Variants in SGCZ observed in about 807,000 individuals in gnomAD.
The protein encoded by SGCZ is zeta-sarcoglycan.
SGCZ carries 40 observed loss-of-function variants against 41.3 expected under a neutral mutation model. That is an observed-to-expected ratio of 0.97 (90% CI 0.75 to 1.26). The LOEUF is 1.26. SGCZ is among the 50% of genes most tolerant of loss of function. SGCZ has a pLI of 0.00. For synonymous variants in SGCZ, 206 were observed against 137.5 expected, an observed-to-expected ratio of 1.50 and a Z score of -3.49; for missense variants, 552 against 369.8, an observed-to-expected ratio of 1.49 and a Z score of -4.04.
intron 1 of SGCZ, among the ~76,000 whole-genome samples, chr8:14,598,002 C>A (rs899125828): frequency 6.6e-6 from 1 of 152,112 alleles, no homozygotes; most frequent in Non-Finnish European, 1.5e-5. Context: ...GAACAAAAAT[C>A]TTTGAACCAC....
chr8:14,103,221 A>T (rs1802090198), intron 6 of SGCZ, among the ~76,000 whole-genome samples: 1 of 152,024 alleles, frequency 6.6e-6, no homozygotes, highest in Admixed American at 6.5e-5. Flanking sequence ...TGTTTTAGAC[A>T]GTCAGAGTTG....
chr8:14,665,281 T>C (rs1807874040), intron 1 of SGCZ, among the ~76,000 whole-genome samples: 1 of 152,116 alleles, frequency 6.6e-6, no homozygotes, highest in South Asian at 2.1e-4. Context: ...TTTGTCCTTG[T>C]GATAGTTTGC....
intron 2 of SGCZ, among the ~76,000 whole-genome samples, chr8:14,449,143 G>A (rs1800518882): frequency 6.6e-6 from 1 of 152,156 alleles, no homozygotes; most frequent in Non-Finnish European, 1.5e-5. Flanking sequence ...GAATTGTGCT[G>A]TACAAATGAT....
intron 1 of SGCZ, among the ~76,000 whole-genome samples, chr8:15,105,577 G>C (rs1183850111): frequency 2.0e-5 from 3 of 152,076 alleles, no homozygotes; most frequent in African/African-American, 7.2e-5. Flanking sequence ...ATGAGAACAG[G>C]AGGTAGAAAG....
At chr8:14,518,068 T>C (rs1395158060) in intron 2 of SGCZ, among the ~76,000 whole-genome samples, 4 of 151,920 alleles carry the variant, frequency 2.6e-5, no homozygotes, top group East Asian at 1.9e-4. Context: ...AATAAGGTTA[T>C]TGTTAATGAA....
intron 1 of SGCZ, among the ~76,000 whole-genome samples, chr8:15,150,426 G>T (rs1286816721): frequency 3.3e-5 from 5 of 152,086 alleles, no homozygotes; most frequent in African/African-American, 9.7e-5. Context: ...CGATGCCCTG[G>T]GGCCATAGAC....
At chr8:14,792,585 A>G (rs917895827) in intron 1 of SGCZ, among the ~76,000 whole-genome samples, 7 of 151,916 alleles carry the variant, frequency 4.6e-5, no homozygotes. Context: ...TTATTATTAT[A>G]CTTTAAGTTT....
chr8:14,219,294 T>C (rs903144550), intron 4 of SGCZ, among the ~76,000 whole-genome samples: 1 of 152,148 alleles, frequency 6.6e-6, no homozygotes, highest in Admixed American at 6.6e-5. Context: ...CTACTACGGC[T>C]TTTTCAATCC....
chr8:14,537,598 T>G (rs1053751945), intron 2 of SGCZ, among the ~76,000 whole-genome samples: 2 of 151,644 alleles, frequency 1.3e-5, no homozygotes, highest in Non-Finnish European at 2.9e-5. Flanking sequence ...CCTGGAACAG[T>G]TGAATGTCTC....
At chr8:14,823,904 G>A (rs896132147) in intron 1 of SGCZ, among the ~76,000 whole-genome samples, 2 of 152,072 alleles carry the variant, frequency 1.3e-5, no homozygotes, top group African/African-American at 4.8e-5. Context: ...CTTTAAAAAG[G>A]AATTAAATTC....
At chr8:14,325,380 T>C (rs1802057056) in intron 2 of SGCZ, among the ~76,000 whole-genome samples, 1 of 151,612 alleles carries the variant, frequency 6.6e-6, no homozygotes, top group Admixed American at 6.6e-5. Context: ...CTTTAAAAAC[T>C]GAAATAGTAA....
chr8:14,700,754 T>C (rs1809108459), intron 1 of SGCZ, among the ~76,000 whole-genome samples: 1 of 151,998 alleles, frequency 6.6e-6, no homozygotes, highest in South Asian at 2.1e-4. Context: ...TTGAATATGA[T>C]AAAGCACACA....
chr8:15,122,127 C>A (rs538061438), intron 1 of SGCZ, among the ~76,000 whole-genome samples: 18 of 151,894 alleles, frequency 1.2e-4, no homozygotes, highest in East Asian at 3.9e-4. Context: ...GACACCCCCC[C>A]ACCCCTCCAA....
At chr8:14,479,731 C>T (rs949262121) in intron 2 of SGCZ, among the ~76,000 whole-genome samples, 7,511 of 51,838 alleles carry the variant, frequency 0.14, 715 homozygotes, top group Non-Finnish European at 0.23. Flanking sequence ...AATTCTACTT[C>T]TTTTTTTTTT....
At chr8:14,420,556 TC>T (rs1486949870) in intron 2 of SGCZ, among the ~76,000 whole-genome samples, 1 of 152,108 alleles carries the variant, frequency 6.6e-6, no homozygotes, top group Non-Finnish European at 1.5e-5. Context: ...TACTCTTTAT[TC>T]CTCCTTCAGT....
At chr8:14,345,067 A>G (rs1802847988) in intron 2 of SGCZ, among the ~76,000 whole-genome samples, 2 of 152,154 alleles carry the variant, frequency 1.3e-5, no homozygotes, top group Admixed American at 6.5e-5. Flanking sequence ...TATTCTGTAG[A>G]GAATTCCTAT....
intron 1 of SGCZ, among the ~76,000 whole-genome samples, chr8:14,666,012 G>A (rs774345591): frequency 6.6e-6 from 1 of 152,202 alleles, no homozygotes; most frequent in Non-Finnish European, 1.5e-5. Context: ...AAGCCTTGCA[G>A]CATTAGGCTC....
chr8:14,539,216 T>C (rs1394716906), intron 2 of SGCZ, among the ~76,000 whole-genome samples: 2 of 152,116 alleles, frequency 1.3e-5, no homozygotes, highest in East Asian at 3.9e-4. Flanking sequence ...TCCCGCCAAA[T>C]GGCCTAACCT....
At chr8:15,014,626 A>G (rs770915539) in intron 1 of SGCZ, among the ~76,000 whole-genome samples, 1 of 152,156 alleles carries the variant, frequency 6.6e-6, no homozygotes, top group Admixed American at 6.5e-5. Context: ...GCATTTGGCT[A>G]CTCAGCATGG....
Sources: allele counts gnomAD v4.1 joint callset (sites outside exome capture counted in the v4.1 genomes callset), GRCh38; gene constraint gnomAD v4.1.1; transcripts MANE v1.5; gene names NCBI Gene and HGNC (gene_info 2026-07-23, HGNC 2026-07-21).